MAML2: variants seen among roughly 807,000 people sequenced by gnomAD.
MAML2 encodes the protein mastermind like transcriptional coactivator 2, also known as mastermind-like protein 2.
Under a neutral mutation model 96.1 loss-of-function variants are expected in MAML2, and 22 were observed. The observed-to-expected ratio is 0.23, with a 90% confidence interval of 0.16 to 0.33. MAML2 has a LOEUF of 0.33. MAML2 is among the 10% of genes least tolerant of loss of function. The pLI, the probability that MAML2 is intolerant of heterozygous loss-of-function variation, is 1.00. For missense variants in MAML2, 1,367 were observed against 1,392.4 expected, an observed-to-expected ratio of 0.98 and a Z score of 0.29; for synonymous variants, 561 against 521.3, an observed-to-expected ratio of 1.08 and a Z score of -1.04.
At chr11:96,124,047 G>A (rs1378027392) in intron 1 of MAML2, among the ~76,000 whole-genome samples, 1 of 138,578 alleles carries the variant, frequency 7.2e-6, no homozygotes, top group Non-Finnish European at 1.5e-5. Flanking sequence ...TCCAGCCTGG[G>A]CAACGAGCAA....
chr11:96,159,035 T>G (rs1427642902), intron 1 of MAML2, among the ~76,000 whole-genome samples: 1 of 152,130 alleles, frequency 6.6e-6, no homozygotes, highest in Non-Finnish European at 1.5e-5. Context: ...AATATAGATT[T>G]GCAAGGAATC....
intron 1 of MAML2, among the ~76,000 whole-genome samples, chr11:96,338,199 G>A (rs1863943628): frequency 6.6e-6 from 1 of 152,218 alleles, no homozygotes; most frequent in Admixed American, 6.5e-5. Flanking sequence ...CAGTTTCACA[G>A]TTCATTCAAA....
At position 96,116,780 on chromosome 11, in the gene MAML2, A is replaced by G. The variant is rs116893563; in HGVS notation, c.514-23263T>C. On this transcript the variant is annotated intron_variant, in intron 1 of 4. Transcript: ENST00000524717. ...GAAGAGAGTGAGGATTTCAACTTTT[A>G]GTTTATCAAGAGAATCACTCAATAA... Among the ~76,000 whole-genome samples, 613 of 152,364 alleles carry G rather than the reference A, an allele frequency of 4.0e-3. 1 individual carries two copies. Among genetic ancestry groups the G allele is most frequent in the Non-Finnish European group, 6.7e-3 (459 of 68,042 alleles).
chr11:96,245,606 C>A (rs567199758), intron 1 of MAML2, among the ~76,000 whole-genome samples: 2 of 152,190 alleles, frequency 1.3e-5, no homozygotes, highest in African/African-American at 4.8e-5. Context: ...CTGAAATGCA[C>A]CACGTTTGCT....
chr11:96,057,766 A>G lies in MAML2; in HGVS notation c.2139+34126T>C, dbSNP rs530653806. Among the ~76,000 whole-genome samples, 4 of 152,346 alleles carry G rather than the reference A, an allele frequency of 2.6e-5. 1 individual carries two copies. In the South Asian group the frequency reaches 8.3e-4, roughly 32 times the overall value. The stretch of plus-strand genomic sequence containing the variant: ...AAACTTCTGAACAGAAATCTTCCTT[A>G]AAGTGCATTTCATACTTCTCTGCCT... On this transcript the variant is annotated intron_variant, in intron 2 of 4. Transcript: ENST00000524717.
intron 1 of MAML2, among the ~76,000 whole-genome samples, chr11:96,313,909 A>G (rs1282176431): frequency 2.0e-5 from 3 of 152,264 alleles, no homozygotes; most frequent in East Asian, 3.9e-4. Context: ...TTTATCAAGC[A>G]CTCCAGGTGG....
At chr11:96,158,807 G>A (rs1354092840) in intron 1 of MAML2, among the ~76,000 whole-genome samples, 2 of 152,126 alleles carry the variant, frequency 1.3e-5, no homozygotes, top group Non-Finnish European at 2.9e-5. Context: ...ATGTGGATAA[G>A]GCTTCATCGT....
At chr11:96,082,265 C>T (rs1859539061) in intron 2 of MAML2, among the ~76,000 whole-genome samples, 1 of 152,162 alleles carries the variant, frequency 6.6e-6, no homozygotes, top group South Asian at 2.1e-4. Flanking sequence ...GTCATGGTCC[C>T]AGCCCTCCAG....
chr11:96,205,392 T>C (rs886434828), intron 1 of MAML2, among the ~76,000 whole-genome samples: 5 of 152,232 alleles, frequency 3.3e-5, no homozygotes, highest in African/African-American at 1.2e-4. Flanking sequence ...GCATTTAGCA[T>C]CATGCATTTA....
chr11:96,317,415 G>A (rs1863646479), intron 1 of MAML2, among the ~76,000 whole-genome samples: 1 of 152,194 alleles, frequency 6.6e-6, no homozygotes, highest in Admixed American at 6.5e-5. Flanking sequence ...CTCCAAAAGA[G>A]CCACACATTT....
At chr11:96,156,002 G>C (rs1367074206) in intron 1 of MAML2, among the ~76,000 whole-genome samples, 2 of 152,156 alleles carry the variant, frequency 1.3e-5, no homozygotes, top group Non-Finnish European at 2.9e-5. Flanking sequence ...AAAACCCACA[G>C]AGGAAAAGTG....
chr11:96,106,577 T>G (rs867079221), intron 1 of MAML2, among the ~76,000 whole-genome samples: 21 of 152,220 alleles, frequency 1.4e-4, no homozygotes, highest in Admixed American at 3.3e-4. Context: ...AAGGACCTCA[T>G]TCTGTATCAT....
intron 1 of MAML2, among the ~76,000 whole-genome samples, chr11:96,114,230 G>A (rs1195922822): frequency 6.6e-6 from 1 of 152,110 alleles, no homozygotes; most frequent in Admixed American, 6.5e-5. Context: ...CAGGAATCAT[G>A]TCTTCTGAGG....
At chr11:96,081,356 G>A (rs1859526759) in intron 2 of MAML2, among the ~76,000 whole-genome samples, 1 of 151,586 alleles carries the variant, frequency 6.6e-6, no homozygotes, top group African/African-American at 2.4e-5. Flanking sequence ...CTTAAAAACA[G>A]AAACATCAAA....
At chr11:96,291,859 C>G (rs1251302030) in intron 1 of MAML2, among the ~76,000 whole-genome samples, 3 of 152,124 alleles carry the variant, frequency 2.0e-5, no homozygotes, top group Non-Finnish European at 4.4e-5. Flanking sequence ...TGTATATCAC[C>G]TTTGCCCAGG....
At chr11:96,096,613 G>T (rs1859834245) in intron 1 of MAML2, among the ~76,000 whole-genome samples, 1 of 152,138 alleles carries the variant, frequency 6.6e-6, no homozygotes, top group South Asian at 2.1e-4. Flanking sequence ...GAGGTAAATG[G>T]TACCTACACC....
intron 1 of MAML2, among the ~76,000 whole-genome samples, chr11:96,324,974 A>C (rs1224080476): frequency 6.6e-6 from 1 of 152,194 alleles, no homozygotes; most frequent in African/African-American, 2.4e-5. Context: ...AGGTTTTCTC[A>C]TCTTGCCTTG....
At chr11:96,328,523 T>C (rs1254907621) in intron 1 of MAML2, among the ~76,000 whole-genome samples, 1 of 151,802 alleles carries the variant, frequency 6.6e-6, no homozygotes, top group African/African-American at 2.4e-5. Context: ...GAGCCTAAGA[T>C]GTGATCCACA....
At chr11:96,045,111 G>A (rs1858875736) in intron 2 of MAML2, among the ~76,000 whole-genome samples, 1 of 152,014 alleles carries the variant, frequency 6.6e-6, no homozygotes, top group Non-Finnish European at 1.5e-5. Flanking sequence ...TGGTGGTGGT[G>A]GATAGGCCCT....
Sources: gnomAD v4.1 joint callset for allele counts (sites outside exome capture counted in the v4.1 genomes callset) on GRCh38, gnomAD v4.1.1 for gene constraint, MANE v1.5 for transcripts, NCBI Gene and HGNC (gene_info 2026-07-23, HGNC 2026-07-21) for gene names.